AKAP19: variants seen among roughly 807,000 people sequenced by gnomAD.
AKAP19 encodes the protein small A-kinase anchoring protein.
the AKAP19 span, among the ~76,000 whole-genome samples, chr2:190,051,940 C>T: frequency 6.6e-6 from 1 of 151,926 alleles, no homozygotes; most frequent in African/African-American, 2.4e-5. Flanking sequence ...CGGGTTCACG[C>T]CATTCTCCTG....
At chr2:189,912,151 A>G in the AKAP19 span, among the ~76,000 whole-genome samples, 1 of 151,874 alleles carries the variant, frequency 6.6e-6, no homozygotes, top group Non-Finnish European at 1.5e-5. Flanking sequence ...TGTTTTTTTC[A>G]GTTGTTTTTG....
At chr2:189,930,901 A>C in the AKAP19 span, 1 of 718,980 alleles carries the variant, frequency 1.4e-6, no homozygotes, top group Non-Finnish European at 2.6e-6. Context: ...CTGATATGGC[A>C]GCGGCTCCTG....
chr2:189,949,769 C>A, the AKAP19 span, among the ~76,000 whole-genome samples: 1 of 149,316 alleles, frequency 6.7e-6, no homozygotes, highest in Admixed American at 6.7e-5. Flanking sequence ...GTAGCTGGGA[C>A]TACAGGTGCA....
chr2:190,004,843 TTA>T, the AKAP19 span, among the ~76,000 whole-genome samples: 1 of 152,148 alleles, frequency 6.6e-6, no homozygotes, highest in African/African-American at 2.4e-5. Context: ...AGGTTCAAGG[TTA>T]TGAACACTGT....
chr2:190,014,207 C>T, the AKAP19 span, among the ~76,000 whole-genome samples: 2 of 152,104 alleles, frequency 1.3e-5, no homozygotes, highest in African/African-American at 4.8e-5. Context: ...TTCATTGTCA[C>T]ATTGCTGTAA....
chr2:189,917,399 A>C, the AKAP19 span: 3 of 891,322 alleles, frequency 3.4e-6, no homozygotes, highest in Non-Finnish European at 5.5e-6. Flanking sequence ...GCCAGATCTC[A>C]AATTCTTGTC....
At chr2:190,036,418 A>C in the AKAP19 span, among the ~76,000 whole-genome samples, 4 of 152,206 alleles carry the variant, frequency 2.6e-5, no homozygotes, top group African/African-American at 9.7e-5. Flanking sequence ...TTTTCTGGTT[A>C]AATGAAGCTG....
At chr2:190,195,971 G>T in the AKAP19 span, among the ~76,000 whole-genome samples, 1 of 110,798 alleles carries the variant, frequency 9.0e-6, no homozygotes, top group Admixed American at 9.9e-5. Context: ...TTGGCATATG[G>T]ATGATTTGTT....
chr2:189,979,884 A>C, the AKAP19 span, among the ~76,000 whole-genome samples: 9 of 152,354 alleles, frequency 5.9e-5, no homozygotes, highest in South Asian at 1.9e-3. Context: ...ATCTTCTACC[A>C]GTCAGAAAAG....
the AKAP19 span, chr2:190,079,890 T>TGTGTGTGAGA: frequency 1.8e-5 from 2 of 109,534 alleles, no homozygotes; most frequent in East Asian, 5.6e-4. Context: ...TGTGTGTGTG[T>TGTGTGTGAGA]GAGAGAGAGA....
chr2:190,096,561 T>A, the AKAP19 span, among the ~76,000 whole-genome samples: 1 of 152,328 alleles, frequency 6.6e-6, no homozygotes, highest in South Asian at 2.1e-4. Flanking sequence ...GAGAGCATGG[T>A]GCTGGGCTTT....
chr2:190,155,780 G>C, the AKAP19 span, among the ~76,000 whole-genome samples: 1 of 151,986 alleles, frequency 6.6e-6, no homozygotes, highest in African/African-American at 2.4e-5. Flanking sequence ...ATTAATCAAA[G>C]GTGGATAGAT....
the AKAP19 span, among the ~76,000 whole-genome samples, chr2:189,898,578 A>G: frequency 6.6e-6 from 1 of 152,268 alleles, no homozygotes; most frequent in East Asian, 1.9e-4. Flanking sequence ...TTTAGTTCAC[A>G]TGCACTTATA....
the AKAP19 span, among the ~76,000 whole-genome samples, chr2:190,188,329 T>G: frequency 6.6e-6 from 1 of 152,212 alleles, no homozygotes; most frequent in African/African-American, 2.4e-5. Flanking sequence ...TTAAATATTT[T>G]TGAGAAACTG....
chr2:189,886,542 T>C, the AKAP19 span, among the ~76,000 whole-genome samples: 1 of 152,218 alleles, frequency 6.6e-6, no homozygotes, highest in African/African-American at 2.4e-5. Context: ...ATTTTGGTCT[T>C]AAGTGAGAAA....
the AKAP19 span, among the ~76,000 whole-genome samples, chr2:190,039,522 C>T: frequency 6.6e-6 from 1 of 151,912 alleles, no homozygotes; most frequent in East Asian, 1.9e-4. Flanking sequence ...AATGAAGTTT[C>T]TTTTTTTTAA....
the AKAP19 span, among the ~76,000 whole-genome samples, chr2:189,939,303 T>C: frequency 1.3e-5 from 2 of 152,184 alleles, no homozygotes; most frequent in South Asian, 4.1e-4. Context: ...GAATATCTCC[T>C]GCAGGACCTT....
At chr2:189,984,284 G>A in the AKAP19 span, among the ~76,000 whole-genome samples, 1 of 151,964 alleles carries the variant, frequency 6.6e-6, no homozygotes, top group Admixed American at 6.6e-5. Context: ...GGTACACCCT[G>A]GGGGGGCCAG....
chr2:190,154,842 C>G, the AKAP19 span, among the ~76,000 whole-genome samples: 3 of 152,304 alleles, frequency 2.0e-5, no homozygotes, highest in African/African-American at 4.8e-5. Context: ...AGGGAACAGA[C>G]CTACTGCAGG....
Sources: allele counts gnomAD v4.1 joint callset (sites outside exome capture counted in the v4.1 genomes callset), GRCh38; gene constraint gnomAD v4.1.1; transcripts MANE v1.5; gene names NCBI Gene and HGNC (gene_info 2026-07-23, HGNC 2026-07-21).